The following MAML3 variants were observed in gnomAD, a reference collection of about 807,000 sequenced individuals.
MAML3 encodes the protein mastermind-like protein 3.
MAML3 carries 27 observed loss-of-function variants against 101.9 expected under a neutral mutation model. That is an observed-to-expected ratio of 0.27 (90% CI 0.20 to 0.37). The LOEUF (loss-of-function observed/expected upper bound fraction) is 0.37. Among genes scored for constraint, MAML3 ranks in the 10% least tolerant of loss-of-function variants. The pLI, the probability that MAML3 is intolerant of heterozygous loss-of-function variation, is 1.00. For missense variants in MAML3, 1,316 were observed against 1,444.9 expected (o/e 0.91, Z 1.45); for synonymous variants, 501 against 555.9 (o/e 0.90, Z 1.39).
chr4:139,848,360 C>T (rs1231578124), intron 2 of MAML3, among the ~76,000 whole-genome samples: 2 of 152,160 alleles, frequency 1.3e-5, no homozygotes, highest in Non-Finnish European at 2.9e-5. Context: ...CAGTCATTAA[C>T]AAAATTATTC....
intron 1 of MAML3, among the ~76,000 whole-genome samples, chr4:140,058,061 C>CT (rs5862453): frequency 2.0e-5 from 3 of 151,548 alleles, no homozygotes; most frequent in Admixed American, 1.3e-4. Context: ...TTTAAAAATG[C>CT]TTTTTTAAAA....
chr4:139,933,494 CTCCT>C (rs1733443548), intron 1 of MAML3, among the ~76,000 whole-genome samples: 1 of 152,148 alleles, frequency 6.6e-6, no homozygotes, highest in South Asian at 2.1e-4. Context: ...ACGGAAAAGC[CTCCT>C]TCTCATGCAC....
chr4:140,041,215 T>A (rs892542689), intron 1 of MAML3, among the ~76,000 whole-genome samples: 5 of 152,104 alleles, frequency 3.3e-5, no homozygotes, highest in Admixed American at 6.5e-5. Context: ...TCTTGAAGCA[T>A]CAACTTGAAT....
At chr4:139,720,839 A>G (rs541960583) in intron 4 of MAML3, among the ~76,000 whole-genome samples, 1 of 152,230 alleles carries the variant, frequency 6.6e-6, no homozygotes, top group Non-Finnish European at 1.5e-5. Flanking sequence ...CTATTTGTGA[A>G]GTGGAACATG....
chr4:140,074,199 G>GAAAGAA, intron 1 of MAML3, among the ~76,000 whole-genome samples: 3 of 82,042 alleles, frequency 3.7e-5, no homozygotes, highest in South Asian at 4.4e-4. Context: ...GAGAAAGAAA[G>GAAAGAA]AGAAAGAAAG....
At chr4:140,065,333 T>TC (rs1450072275) in intron 1 of MAML3, among the ~76,000 whole-genome samples, 4 of 151,974 alleles carry the variant, frequency 2.6e-5, no homozygotes, top group Admixed American at 2.6e-4. Flanking sequence ...GAAGCCGATC[T>TC]CTCTAGTATT....
At chr4:139,968,309 TAAA>T (rs60977680) in intron 1 of MAML3, among the ~76,000 whole-genome samples, 2 of 106,284 alleles carry the variant, frequency 1.9e-5, no homozygotes, top group African/African-American at 3.4e-5. Flanking sequence ...GGCTCTGTCT[TAAA>T]AAAAAAAAAA....
intron 1 of MAML3, among the ~76,000 whole-genome samples, chr4:140,050,708 C>T (rs1727254189): frequency 6.6e-6 from 1 of 152,174 alleles, no homozygotes; most frequent in South Asian, 2.1e-4. Flanking sequence ...AGTCCTCACC[C>T]ATGGGAATAC....
intron 1 of MAML3, among the ~76,000 whole-genome samples, chr4:139,938,605 G>A (rs1161676995): frequency 6.6e-6 from 1 of 152,132 alleles, no homozygotes; most frequent in African/African-American, 2.4e-5. Context: ...TATGAAAGAG[G>A]ATGAACTCTT....
chr4:139,790,836 A>G (rs1457559219), intron 2 of MAML3, among the ~76,000 whole-genome samples: 2 of 152,212 alleles, frequency 1.3e-5, no homozygotes, highest in Admixed American at 6.5e-5. Flanking sequence ...GGCTATTGTG[A>G]ATAATGCTGT....
chr4:140,072,823 C>T (rs79485274), intron 1 of MAML3, among the ~76,000 whole-genome samples: 97 of 152,264 alleles, frequency 6.4e-4, no homozygotes, highest in African/African-American at 2.1e-3. Flanking sequence ...ACAGCTGTAC[C>T]TCACCAGTAG....
chr4:140,087,311 T>C (rs1039403308), intron 1 of MAML3, among the ~76,000 whole-genome samples: 1 of 152,244 alleles, frequency 6.6e-6, no homozygotes, highest in African/African-American at 2.4e-5. Context: ...TATGACTTCA[T>C]ATACTCATCC....
At chr4:140,021,623 T>C (rs566439456) in intron 1 of MAML3, among the ~76,000 whole-genome samples, 2 of 152,284 alleles carry the variant, frequency 1.3e-5, no homozygotes, top group East Asian at 1.9e-4. Context: ...CCCAAGAATT[T>C]CTCTTCCCTC....
chr4:139,834,469 C>T (rs1731224206), intron 2 of MAML3, among the ~76,000 whole-genome samples: 1 of 152,206 alleles, frequency 6.6e-6, no homozygotes, highest in Admixed American at 6.5e-5. Context: ...ATCCCCGTGG[C>T]CGGCCAGCGC....
rs992217371 is a variant in MAML3, at chr4:139,735,056, C to T, written c.2080-4389G>A. Among the ~76,000 whole-genome samples the T allele has an allele frequency of 2.6e-5, 4 of 152,178 alleles. No individual in the cohort carries two copies. The highest frequency in any genetic ancestry group is 9.6e-5 in the African/African-American group (4 of 41,466). On this transcript the variant is annotated intron_variant, in intron 2 of 4. Coordinates refer to ENST00000509479, the MANE Select transcript of MAML3 (RefSeq NM_018717.5). This position sits in a 1 kb window ranked among gnomAD's most constrained non-coding sequence, Gnocchi z 5.8. ...CCCCTCGCAGATGGCTTAATCAGGGCTCCCGCCCGCCCCTCCGCGGCCCCC... is the reference window on the plus strand; with the variant it reads ...CCCCTCGCAGATGGCTTAATCAGGGTTCCCGCCCGCCCCTCCGCGGCCCCC...
chr4:139,910,811 G>A (rs1280113398), intron 1 of MAML3, among the ~76,000 whole-genome samples: 1 of 152,102 alleles, frequency 6.6e-6, no homozygotes, highest in Non-Finnish European at 1.5e-5. Context: ...AAGGAAGGAA[G>A]GACAAGTGAA....
intron 1 of MAML3, among the ~76,000 whole-genome samples, chr4:140,135,506 A>G (rs1054361714): frequency 6.6e-6 from 1 of 152,270 alleles, no homozygotes; most frequent in Non-Finnish European, 1.5e-5. Context: ...TTTGTTGAAC[A>G]AATGATTTGA....
At chr4:140,031,549 T>C (rs1190791277) in intron 1 of MAML3, among the ~76,000 whole-genome samples, 1 of 152,212 alleles carries the variant, frequency 6.6e-6, no homozygotes, top group Non-Finnish European at 1.5e-5. Flanking sequence ...TTTTGCTATA[T>C]TAAATTTTGA....
At chr4:140,100,697 A>G (rs1728239468) in intron 1 of MAML3, among the ~76,000 whole-genome samples, 1 of 152,156 alleles carries the variant, frequency 6.6e-6, no homozygotes, top group South Asian at 2.1e-4. Flanking sequence ...GGTATACACC[A>G]TATGTGGTAG....
Sources: gnomAD v4.1 joint callset for allele counts (sites outside exome capture counted in the v4.1 genomes callset) on GRCh38, gnomAD v4.1.1 for gene constraint, Gnocchi (gnomAD v3.1) non-coding constraint, MANE v1.5 for transcripts, NCBI Gene and HGNC (gene_info 2026-07-23, HGNC 2026-07-21) for gene names.